The following ZC3H7B variants were observed in gnomAD, a reference collection of about 807,000 sequenced individuals.
ZC3H7B encodes zinc finger CCCH domain-containing protein 7B.
In ZC3H7B, 35 loss-of-function variants were observed where a neutral mutation model predicts 116.0. The ratio of observed to expected loss-of-function variants is 0.30; its 90% CI spans 0.23 to 0.40. The LOEUF (loss-of-function observed/expected upper bound fraction) is 0.40, where lower values mean the gene tolerates loss of function less well. Among genes scored for constraint, ZC3H7B ranks in the 10% least tolerant of loss-of-function variants. The pLI is 1.00. For synonymous variants in ZC3H7B, 502 were observed against 545.6 expected, an observed-to-expected ratio of 0.92 and a Z score of 1.11; for missense variants, 1,011 against 1,321.5, an observed-to-expected ratio of 0.77 and a Z score of 3.64.
intron 1 of ZC3H7B, among the ~76,000 whole-genome samples, chr22:41,306,167 T>G (rs954452732): frequency 1.3e-5 from 2 of 152,172 alleles, no homozygotes; most frequent in Non-Finnish European, 2.9e-5. Flanking sequence ...ATCCTTTCGA[T>G]TCTCTGGGCC....
rs547354402 is a variant in ZC3H7B at position 41,357,702 on chromosome 22, T to C, written c.*273T>C. 1.2e-4 allele frequency: 61 copies of C among 524,140 alleles called. No individual in the cohort carries two copies. The highest frequency in any genetic ancestry group is 1.1e-3 in the African/African-American group (57 of 52,686). 32.5% of individuals were successfully genotyped at this position (524,140 alleles called of 1,614,324 possible). ...CTGGTTGAGGAGGGAGGGGCCTGGCTGACCCCTCCAGCTTCAGCCTCCAGC... is the reference window on the plus strand; with the variant it reads ...CTGGTTGAGGAGGGAGGGGCCTGGCCGACCCCTCCAGCTTCAGCCTCCAGC... On this transcript the variant is annotated 3_prime_UTR_variant, in exon 23 of 23. Transcript: ENST00000352645. This position sits in a 1 kb window ranked among gnomAD's most constrained non-coding sequence, Gnocchi z 5.4.
At chr22:41,309,604 C>T (rs139999862) in intron 1 of ZC3H7B, among the ~76,000 whole-genome samples, 2,077 of 152,276 alleles carry the variant, frequency 0.014, 53 homozygotes, top group African/African-American at 0.048. Flanking sequence ...CGTGAACCAC[C>T]GCATCCGGCC....
chr22:41,318,512 G>C (rs956080444), intron 1 of ZC3H7B, among the ~76,000 whole-genome samples: 1 of 125,456 alleles, frequency 8.0e-6, no homozygotes, highest in Non-Finnish European at 1.6e-5. Context: ...CTGGGCAACA[G>C]AGCAAGACTC....
chr22:41,342,506 T>C, intron 11 of ZC3H7B, 23 bp from the exon 12 acceptor site: 1 of 1,610,824 alleles, frequency 6.2e-7, no homozygotes, highest in Non-Finnish European at 8.5e-7. Context: ...GTGCCCACAA[T>C]GGCCTCCTTC....
In ZC3H7B at chr22:41,346,984, AAT is replaced by A. The variant is rs1555959685; in HGVS notation, c.1665+777_1665+778del. Among the ~76,000 whole-genome samples the A allele has an allele frequency of 4.7e-5, 7 of 148,614 alleles. No homozygotes were observed. Among genetic ancestry groups the A allele is most frequent in the Non-Finnish European group, 7.4e-5 (5 of 67,552 alleles). On this transcript the variant is annotated intron_variant, in intron 14 of 22. Transcript: ENST00000352645. The surrounding 1 kb of genome is among the most constrained non-coding windows in gnomAD (Gnocchi z 5.3). Reference sequence around the variant, plus strand: ...CCTATTCCAAAAAAAAAAAAAAAAAAATGTCATTTCCATCGTCACGGCAGTGC... The same window carrying A: ...CCTATTCCAAAAAAAAAAAAAAAAAAGTCATTTCCATCGTCACGGCAGTGC...
Position 41,343,459 on chromosome 22 carries a change from A to G in ZC3H7B, c.1342A>G (p.Lys448Glu). ...CACCTACCGTGAGGGCCTTGAGCAC[A>G]AGTGCAAGCGGGACATCCTGCTCGG... ...DYTYREGLEHKCKRDILLGRL... is the reference protein window; with the variant it reads ...DYTYREGLEHECKRDILLGRL... Residue 448 changes from lysine (K) to glutamate (E), a missense_variant, in exon 13 of 23, where the codon AAG becomes GAG. Lys to Glu is a moderately conservative substitution (Grantham distance 56, BLOSUM62 1). Around this residue, in one of 5 missense-constraint regions of ZC3H7B, gnomAD observed 179 missense variants for 178.5 expected, o/e 1.00. Transcript: ENST00000352645. 1 of 1,613,838 alleles carries G rather than the reference A, an allele frequency of 6.2e-7. No individual in the cohort carries two copies. Among genetic ancestry groups the G allele is most frequent in the Non-Finnish European group, 8.5e-7 (1 of 1,179,838 alleles).
At chr22:41,345,191 G>A (rs73416828) in intron 13 of ZC3H7B, among the ~76,000 whole-genome samples, 4,715 of 152,300 alleles carry the variant, frequency 0.031, 236 homozygotes, top group African/African-American at 0.1. Flanking sequence ...GACAGCTGAG[G>A]CTCGGGGAGT....
At chr22:41,354,243 G>A (rs919837755) in intron 17 of ZC3H7B, among the ~76,000 whole-genome samples, 3 of 152,198 alleles carry the variant, frequency 2.0e-5, no homozygotes, top group East Asian at 1.9e-4. Context: ...TTCCTCTCAC[G>A]CTTCTTGTGA....
Position 41,346,280 on chromosome 22 carries a change from G to C in ZC3H7B, c.1665+72G>C, listed in dbSNP as rs2036584226. ...AGGGCTGGGGATGCTCCCTGGCACG[G>C]ACCACCATAGGAAGTCAGCCCTGGA... On this transcript the variant is annotated intron_variant, in intron 14 of 22. Coordinates refer to ENST00000352645, the MANE Select transcript of ZC3H7B (RefSeq NM_017590.6). This position sits in a 1 kb window ranked among gnomAD's most constrained non-coding sequence, Gnocchi z 5.3. 48 of 1,533,488 alleles carry C rather than the reference G, an allele frequency of 3.1e-5. No individual in the cohort carries two copies. Among genetic ancestry groups the C allele is most frequent in the Non-Finnish European group, 4.1e-5 (46 of 1,134,792 alleles). 95.0% of individuals were successfully genotyped at this position (1,533,488 alleles called of 1,614,324 possible). A position where few individuals can be genotyped will look rare whatever the true frequency, so the allele number is the denominator to read the frequency against.
chr22:41,348,210 G>A (rs2036612570), intron 15 of ZC3H7B, 43 bp downstream of exon 15: 1 of 1,562,322 alleles, frequency 6.4e-7, no homozygotes, highest in Non-Finnish European at 8.8e-7. Flanking sequence ...AGGGGCCAGT[G>A]GAGAGTCCCC....
chr22:41,324,261 G>A (rs1261277479), intron 2 of ZC3H7B, among the ~76,000 whole-genome samples: 1 of 152,136 alleles, frequency 6.6e-6, no homozygotes, highest in Non-Finnish European at 1.5e-5. Flanking sequence ...GGAGGCAAGT[G>A]AGAGGTGGGC....
Position 41,359,705 on chromosome 22 carries a change from G to A in ZC3H7B, c.*2276G>A, listed in dbSNP as rs2036763472. 6.6e-6 allele frequency: 1 copy of A among 152,312 alleles called. No homozygotes were observed. Among genetic ancestry groups the A allele is most frequent in the Non-Finnish European group, 1.5e-5 (1 of 68,116 alleles). 9.4% of individuals were successfully genotyped at this position (152,312 alleles called of 1,614,324 possible). A position where few individuals can be genotyped will look rare whatever the true frequency, so the allele number is the denominator to read the frequency against. On this transcript the variant is annotated 3_prime_UTR_variant, in exon 23 of 23. Transcript: ENST00000352645. The stretch of plus-strand genomic sequence containing the variant: ...GGGGCTTCCTGGCCTGGCCAGAGCT[G>A]GAGCCCCCACAGGGTAAGGAAGAGA...
Position 41,302,489 on chromosome 22 carries a change from A to G in ZC3H7B, c.-7+717A>G, listed in dbSNP as rs2035981033. Among the ~76,000 whole-genome samples the G allele has an allele frequency of 1.3e-5, 2 of 151,868 alleles. No homozygotes were observed. Among genetic ancestry groups the G allele is most frequent in the South Asian group, 4.2e-4 (2 of 4,810 alleles). ...GGCCCGCGGCCGTCCAGGGAGTGCT[A>G]GGGGGCTGCGGACCCCGGCTCTGGC... is the stretch of plus-strand genomic sequence containing the variant. On this transcript the variant is annotated intron_variant, in intron 1 of 22. Coordinates refer to ENST00000352645, the MANE Select transcript of ZC3H7B (RefSeq NM_017590.6). The surrounding 1 kb of genome is among the most constrained non-coding windows in gnomAD (Gnocchi z 5.7).
At chr22:41,310,507 A>AAG (rs1300517103) in intron 1 of ZC3H7B, among the ~76,000 whole-genome samples, 1 of 152,140 alleles carries the variant, frequency 6.6e-6, no homozygotes, top group Non-Finnish European at 1.5e-5. Flanking sequence ...CAAGCAGAGC[A>AAG]GCACTGGAAA....
chr22:41,318,509 A>C (rs1222971921), intron 1 of ZC3H7B, among the ~76,000 whole-genome samples: 11 of 142,292 alleles, frequency 7.7e-5, no homozygotes. Flanking sequence ...AGCCTGGGCA[A>C]CAGAGCAAGA....
Position 41,343,592 on chromosome 22 carries a change from C to T in ZC3H7B, c.1459+16C>T, listed in dbSNP as rs372988375. On this transcript the variant is annotated intron_variant, in intron 13 of 22. Coordinates refer to ENST00000352645, the MANE Select transcript of ZC3H7B (RefSeq NM_017590.6). ...CTGTGCAAAGGTGGGTGGGCTGCAG[C>T]GGGGCAGGCAGCACAGCTGGGGCCC... is the stretch of plus-strand genomic sequence containing the variant. 79 of 1,579,776 alleles carry T rather than the reference C, an allele frequency of 5.0e-5. 1 individual carries two copies. The highest frequency in any genetic ancestry group is 1.7e-4 in the Middle Eastern group (1 of 5,914).
chr22:41,326,440 A>G lies in ZC3H7B; in HGVS notation c.285+522A>G, dbSNP rs372362946. On this transcript the variant is annotated intron_variant, in intron 4 of 22. Transcript: ENST00000352645. Reference sequence around the variant, plus strand: ...CCTCAGCCTCCTCACTGTTTCTTCCATAGCCTCCTCACTGTTTCTTCCATA... The same window carrying G: ...CCTCAGCCTCCTCACTGTTTCTTCCGTAGCCTCCTCACTGTTTCTTCCATA... 5.3e-3 allele frequency among the ~76,000 whole-genome samples: 634 copies of G among 118,958 alleles called. 11 individuals carry two copies. Among genetic ancestry groups the G allele is most frequent in the African/African-American group, 0.029 (557 of 19,198 alleles). The allele number at this position is 118,958 out of a possible 152,430, so 78.0% of individuals were successfully genotyped here. A position where few individuals can be genotyped will look rare whatever the true frequency, so the allele number is the denominator to read the frequency against.
intron 1 of ZC3H7B, among the ~76,000 whole-genome samples, chr22:41,313,857 C>G (rs2036148206): frequency 6.6e-6 from 1 of 151,956 alleles, no homozygotes; most frequent in East Asian, 1.9e-4. Flanking sequence ...AGCGATTCTC[C>G]CGCTTCAGCC....
At chr22:41,355,640 G>C in intron 18 of ZC3H7B, 38 bp downstream of exon 18, 1 of 1,613,118 alleles carries the variant, frequency 6.2e-7, no homozygotes, top group Non-Finnish European at 8.5e-7. Flanking sequence ...GGTGGGATGG[G>C]GCCACCCTAC....
Sources: allele counts gnomAD v4.1 joint callset (sites outside exome capture counted in the v4.1 genomes callset), GRCh38; gene constraint gnomAD v4.1.1; regional missense constraint gnomAD v4.1.1; non-coding constraint Gnocchi (gnomAD v3.1); transcripts MANE v1.5; gene names NCBI Gene and HGNC (gene_info 2026-07-23, HGNC 2026-07-21).